HSPD1: variants seen among roughly 807,000 people sequenced by gnomAD.
The protein encoded by HSPD1 is 60 kDa heat shock protein, mitochondrial.
HSPD1 carries 3 observed loss-of-function variants against 53.0 expected under a neutral mutation model. The observed-to-expected ratio is 0.06, with a 90% CI of 0.03 to 0.15. The LOEUF is 0.15. HSPD1 is among the 10% of genes least tolerant of loss of function. HSPD1 has a pLI of 1.00. For synonymous variants in HSPD1, 200 were observed against 228.0 expected, an observed-to-expected ratio of 0.88 and a Z score of 1.10; for missense variants, 431 against 694.1, an observed-to-expected ratio of 0.62 and a Z score of 4.26.
chr2:197,498,904 A>G, intron 1 of HSPD1, 54 bp from the exon 2 acceptor site: 10 of 1,505,530 alleles, frequency 6.6e-6, no homozygotes, highest in Non-Finnish European at 9.2e-6. Flanking sequence ...TGCGCTGCAG[A>G]ACAAACATGC....
intron 2 of HSPD1, among the ~76,000 whole-genome samples, chr2:197,498,384 T>G (rs912045558): frequency 4.6e-5 from 7 of 152,240 alleles, no homozygotes; most frequent in Non-Finnish European, 1.0e-4. Context: ...AAATTTTAAC[T>G]TAAGCCAGCG....
intron 2 of HSPD1, 30 bp downstream of exon 2, chr2:197,498,645 G>A (rs184016016): frequency 3.2e-6 from 5 of 1,586,192 alleles, no homozygotes; most frequent in East Asian, 4.5e-5. Context: ...TAATAATACC[G>A]TAATTACAAT....
intron 9 of HSPD1, 106 bp downstream of exon 9, chr2:197,488,896 C>A: frequency 8.3e-7 from 1 of 1,208,984 alleles, no homozygotes; most frequent in South Asian, 1.2e-5. Context: ...GAAGTTAATT[C>A]CTCAAGTATT....
chr2:197,496,072 G>A (rs1393963224), intron 3 of HSPD1, among the ~76,000 whole-genome samples: 1 of 152,162 alleles, frequency 6.6e-6, no homozygotes, highest in Non-Finnish European at 1.5e-5. Context: ...TCAACAAGAA[G>A]TACAGTTCTT....
intron 8 of HSPD1, 142 bp downstream of exon 8, chr2:197,490,055 G>A (rs978760180): frequency 3.6e-5 from 26 of 712,390 alleles, no homozygotes; most frequent in South Asian, 3.0e-5. Context: ...GCAAATTAAC[G>A]GGAATTTAAT....
chr2:197,494,697 G>A lies in HSPD1; in HGVS notation c.566C>T (p.Ala189Val), dbSNP rs1463329400. The A allele has an allele frequency of 1.2e-6, 2 of 1,612,476 alleles. No individual in the cohort carries two copies. The highest frequency in any genetic ancestry group is 1.7e-6 in the Non-Finnish European group (2 of 1,178,644). ...DKEIGNIISD[A>V]MKKVGRKGVI... is the part of the protein sequence containing the mutation. ...ACCCTTTCTTCCAACTTTTTTCATT[G>A]CATCAGAGATGATATTGCCAATTTC... The change falls in exon 5 of 12, where the codon GCA becomes GTA. Residue 189 changes from alanine to valine, a missense_variant. This residue lies in a region of HSPD1 where 386 missense variants were observed against 657.6 expected (regional missense o/e 0.59). Coordinates refer to ENST00000388968, the MANE Select transcript of HSPD1 (RefSeq NM_002156.5).
rs776821463 is a variant in HSPD1, at chr2:197,488,035, A to G, written c.1392T>C (p.Gly464=). The G allele has an allele frequency of 4.4e-6, 7 of 1,589,968 alleles. No individual in the cohort carries two copies. The highest frequency in any genetic ancestry group is 1.7e-4 in the Middle Eastern group (1 of 5,868). The part of the protein sequence containing the change: ...LTPANEDQKI[G]IEIIKRTLKI... ...TGAGTGTTCTTTTAATAATTTCTAT[A>G]CCTACAGAGAAATTTCAGCAAAATT... Residue 464 remains glycine (G), a splice_region_variant and synonymous_variant, in exon 11 of 12, where the codon GGT becomes GGC. Transcript: ENST00000388968.
At position 197,487,923 on chromosome 2, in the gene HSPD1, C is replaced by G; in HGVS notation, c.1504G>C (p.Gly502Arg). 1 of 1,613,688 alleles carries G rather than the reference C, an allele frequency of 6.2e-7. No homozygotes were observed. The stretch of plus-strand genomic sequence containing the variant: ...AAATCTCCAGCCATAGCATCATAAC[C>G]AACTTCTGAGGAACTTTGCATAATT... ...EKIMQSSSEV[G>R]YDAMAGDFVN... Residue 502 changes from glycine to arginine, a missense_variant, in exon 11 of 12, where the codon GGT becomes CGT. By Grantham distance (125) the Gly-to-Arg change is moderately radical. Coordinates refer to ENST00000388968, the MANE Select transcript of HSPD1 (RefSeq NM_002156.5).
chr2:197,498,787 T>C lies in HSPD1; in HGVS notation c.62A>G (p.His21Arg). 2 of 1,614,166 alleles carry C rather than the reference T, an allele frequency of 1.2e-6. No homozygotes were observed. Among genetic ancestry groups the C allele is most frequent in the Non-Finnish European group, 1.7e-6 (2 of 1,180,018 alleles). ...ATCTTTGGCATAAGCCCGAGTGAGATGAGGAGCCAGTACCCTGGACACCGG... is the reference window on the plus strand; with the variant it reads ...ATCTTTGGCATAAGCCCGAGTGAGACGAGGAGCCAGTACCCTGGACACCGG... ...MRPVSRVLAP[H>R]LTRAYAKDVK... The change falls in exon 2 of 12, where the codon CAT becomes CGT. Residue 21 changes from histidine (H) to arginine (R), a missense_variant. Physicochemically the swap from His to Arg is conservative, Grantham distance 29. Coordinates refer to ENST00000388968, the MANE Select transcript of HSPD1 (RefSeq NM_002156.5).
chr2:197,500,273 G>A (rs577475520), upstream of HSPD1: 255 of 922,208 alleles, frequency 2.8e-4, 2 homozygotes, highest in African/African-American at 3.9e-3. Context: ...GCGCGTCGGG[G>A]CGACCGCCCT....
At chr2:197,498,940 G>A (rs2086198151) in intron 1 of HSPD1, 90 bp from the exon 2 acceptor site, 2 of 1,172,742 alleles carry the variant, frequency 1.7e-6, no homozygotes, top group Non-Finnish European at 2.5e-6. Context: ...AGCAAGCAAC[G>A]TGAGATGCTG....
Position 197,486,627 on chromosome 2 carries a change from T to C in HSPD1, c.*419A>G, listed in dbSNP as rs539818599. On this transcript the variant is annotated 3_prime_UTR_variant, in exon 12 of 12. Transcript: ENST00000388968. ...TTATTACACAAAGGTTGTCACATAA[T>C]TGGATACTTCTCTACTTTGTACACA... 17 of 207,014 alleles carry C rather than the reference T, an allele frequency of 8.2e-5. No homozygotes were observed. Among genetic ancestry groups the C allele is most frequent in the Non-Finnish European group, 1.2e-4 (12 of 99,836 alleles). The allele number at this position is 207,014 out of a possible 1,614,324, so 12.8% of individuals were successfully genotyped here. A position where few individuals can be genotyped will look rare whatever the true frequency, so the allele number is the denominator to read the frequency against.
At chr2:197,493,006 CAA>C in intron 7 of HSPD1, among the ~76,000 whole-genome samples, 1 of 141,396 alleles carries the variant, frequency 7.1e-6, no homozygotes, top group African/African-American at 2.6e-5. Context: ...GACTCTGTCT[CAA>C]AAAAAAAAAA....
intron 3 of HSPD1, chr2:197,496,750 A>G (rs1559303530): frequency 3.7e-6 from 1 of 273,784 alleles, no homozygotes; most frequent in Non-Finnish European, 7.2e-6. Context: ...GATCCAGTGT[A>G]TTTAGTCTTA....
At position 197,488,153 on chromosome 2, in the gene HSPD1, T is replaced by C. The variant is rs145168809; in HGVS notation, c.1391-117A>G. 110 of 1,005,748 alleles carry C rather than the reference T, an allele frequency of 1.1e-4. No homozygotes were observed. In the African/African-American group the frequency reaches 1.6e-3, roughly 15 times the overall value. The allele number at this position is 1,005,748 out of a possible 1,614,324, so 62.3% of individuals were successfully genotyped here. A position where few individuals can be genotyped will look rare whatever the true frequency, so the allele number is the denominator to read the frequency against. ...CCAATCCTACTACAGATCAAATCAT[T>C]TCCTCTGAAAAAGATGTGATGCATG... On this transcript the variant is annotated intron_variant, in intron 10 of 11. Coordinates refer to ENST00000388968, the MANE Select transcript of HSPD1 (RefSeq NM_002156.5).
At chr2:197,497,958 A>C (rs2086179313) in intron 2 of HSPD1, among the ~76,000 whole-genome samples, 1 of 152,208 alleles carries the variant, frequency 6.6e-6, no homozygotes, top group African/African-American at 2.4e-5. Flanking sequence ...ACTGTCTTCA[A>C]ACTGAAATGA....
chr2:197,495,331 T>A lies in HSPD1; in HGVS notation c.473A>T (p.Gln158Leu), dbSNP rs2086144388. The A allele has an allele frequency of 6.2e-7, 1 of 1,611,510 alleles. No homozygotes were observed. The highest frequency in any genetic ancestry group is 8.5e-7 in the Non-Finnish European group (1 of 1,177,646). Residue 158 changes from glutamine to leucine, a missense_variant, in exon 4 of 12, where the codon CAG (glutamine) becomes CTG (leucine). Physicochemically the swap from Gln to Leu is moderately radical, Grantham distance 113 (BLOSUM62 -2). Around this residue, in one of 2 missense-constraint regions of HSPD1, gnomAD observed 386 missense variants for 657.6 expected, o/e 0.59. Transcript: ENST00000388968. ...VDAVIAELKKQSKPVTTPEEI... is the reference protein window; with the variant it reads ...VDAVIAELKKLSKPVTTPEEI... ...TTCAGGGGTGGTCACAGGTTTAGAC[T>A]GCTTTTTAAGTTCAGCAATTACAGC...
intron 7 of HSPD1, among the ~76,000 whole-genome samples, chr2:197,492,734 G>A (rs952260835): frequency 2.0e-5 from 3 of 151,352 alleles, no homozygotes; most frequent in Non-Finnish European, 4.4e-5. Context: ...TTACAAGGCC[G>A]GGCGCAGTGG....
chr2:197,496,917 A>T (rs2086165236), intron 3 of HSPD1: 4 of 563,244 alleles, frequency 7.1e-6, no homozygotes, highest in Non-Finnish European at 1.3e-5. Context: ...CTCTAAAAAC[A>T]AAAGAAACCA....
Sources: gnomAD v4.1 joint callset for allele counts (sites outside exome capture counted in the v4.1 genomes callset) on GRCh38, gnomAD v4.1.1 for gene constraint, gnomAD v4.1.1 regional missense constraint, MANE v1.5 for transcripts, NCBI Gene and HGNC (gene_info 2026-07-23, HGNC 2026-07-21) for gene names.